STAT4: variants seen among roughly 807,000 people sequenced by gnomAD.
STAT4 encodes the protein signal transducer and activator of transcription 4.
Under a neutral mutation model 110.5 loss-of-function variants are expected in STAT4, and 42 were observed. The ratio of observed to expected loss-of-function variants is 0.38; its 90% CI spans 0.30 to 0.49. STAT4 has a LOEUF of 0.49. Among genes scored for constraint, STAT4 ranks in the 20% least tolerant of loss-of-function variants. The pLI is 0.95. For missense variants in STAT4, 632 were observed against 887.9 expected (o/e 0.71, Z 3.66); for synonymous variants, 284 against 302.2 (o/e 0.94, Z 0.63).
At position 191,053,711 on chromosome 2, in the gene STAT4, A is replaced by T. The variant is rs1696595118; in HGVS notation, c.1251+779T>A. 6.6e-6 allele frequency among the ~76,000 whole-genome samples: 1 copy of T among 152,270 alleles called. No individual in the cohort carries two copies. Among genetic ancestry groups the T allele is most frequent in the Non-Finnish European group, 1.5e-5 (1 of 68,048 alleles). On this transcript the variant is annotated intron_variant, in intron 14 of 23. Coordinates refer to ENST00000392320, the MANE Select transcript of STAT4 (RefSeq NM_003151.4). The surrounding 1 kb of genome is among the most constrained non-coding windows in gnomAD (Gnocchi z 4.5). ...TATGTGAGAAAATGAGTGAACAAAAATGAAGAATGACAAAGATATTTCTTG... is the reference window on the plus strand; with the variant it reads ...TATGTGAGAAAATGAGTGAACAAAATTGAAGAATGACAAAGATATTTCTTG...
intron 3 of STAT4, among the ~76,000 whole-genome samples, chr2:191,120,058 T>C (rs1698676581): frequency 6.6e-6 from 1 of 152,210 alleles, no homozygotes; most frequent in South Asian, 2.1e-4. Context: ...CAATGGATCA[T>C]AGTCCTAAAT....
intron 3 of STAT4, among the ~76,000 whole-genome samples, chr2:191,103,483 G>A (rs1304413314): frequency 6.6e-6 from 1 of 152,150 alleles, no homozygotes; most frequent in Admixed American, 6.5e-5. Context: ...AAAGTCAAGA[G>A]CATGAATTCC....
In STAT4 at chr2:191,135,803, C is replaced by A. The variant is rs1292543467; in HGVS notation, c.273+10810G>T. On this transcript the variant is annotated intron_variant, in intron 3 of 23. Coordinates refer to ENST00000392320, the MANE Select transcript of STAT4 (RefSeq NM_003151.4). This position sits in a 1 kb window ranked among gnomAD's most constrained non-coding sequence, Gnocchi z 4.8. ...ATTCTATCAAACTTTCATAGAAGAA[C>A]TAACACCAATTCTCCTCAAATTATT... 6.6e-6 allele frequency among the ~76,000 whole-genome samples: 1 copy of A among 152,012 alleles called. No individual in the cohort carries two copies. Among genetic ancestry groups the A allele is most frequent in the African/African-American group, 2.4e-5 (1 of 41,378 alleles).
intron 3 of STAT4, among the ~76,000 whole-genome samples, chr2:191,111,153 A>G (rs78463978): frequency 5.9e-5 from 9 of 152,256 alleles, no homozygotes; most frequent in Admixed American, 5.2e-4. Flanking sequence ...TATAGATTTT[A>G]TATGCATGCA....
At chr2:191,128,379 G>C (rs1178481709) in intron 3 of STAT4, among the ~76,000 whole-genome samples, 4 of 152,114 alleles carry the variant, frequency 2.6e-5, no homozygotes, top group African/African-American at 9.7e-5. Context: ...GAAGAGGAGG[G>C]AACTGAGAAA....
At chr2:191,048,788 C>CAAAA (rs60267174) in intron 14 of STAT4, among the ~76,000 whole-genome samples, 2 of 48,794 alleles carry the variant, frequency 4.1e-5, no homozygotes, top group Admixed American at 3.9e-4. Flanking sequence ...AACTCCATCT[C>CAAAA]AAAAAAAAAA....
intron 3 of STAT4, among the ~76,000 whole-genome samples, chr2:191,080,575 A>G (rs1697436676): frequency 6.6e-6 from 1 of 152,212 alleles, no homozygotes; most frequent in South Asian, 2.1e-4. Flanking sequence ...ACCAGGACTC[A>G]TATTTTTTCT....
chr2:191,044,846 A>G (rs980838530), intron 14 of STAT4, among the ~76,000 whole-genome samples: 3 of 152,186 alleles, frequency 2.0e-5, no homozygotes, highest in African/African-American at 7.2e-5. Flanking sequence ...GGGCTTAATT[A>G]GTGACAAGTA....
intron 3 of STAT4, among the ~76,000 whole-genome samples, chr2:191,125,775 T>A (rs1465054994): frequency 6.6e-6 from 1 of 152,062 alleles, no homozygotes; most frequent in African/African-American, 2.4e-5. Context: ...TGAGTCACCA[T>A]GCCGGGCCTG....
Position 191,056,222 on chromosome 2 carries a change from G to A in STAT4, c.1207-1688C>T, listed in dbSNP as rs115040222. ...AGATTCAGTGGCGCCCAAACATTCA[G>A]TGAGGCAATTGCTAAATGTTAATAA... is the stretch of plus-strand genomic sequence containing the variant. On this transcript the variant is annotated intron_variant, in intron 13 of 23. Coordinates refer to ENST00000392320, the MANE Select transcript of STAT4 (RefSeq NM_003151.4). 5.6e-3 allele frequency among the ~76,000 whole-genome samples: 849 copies of A among 152,308 alleles called. 9 individuals are homozygous for A. Among genetic ancestry groups the A allele is most frequent in the African/African-American group, 0.019 (806 of 41,568 alleles).
At position 191,033,561 on chromosome 2, in the gene STAT4, G is replaced by T. The variant is rs1317305981; in HGVS notation, c.1781C>A (p.Thr594Asn). 1 of 1,613,872 alleles carries T rather than the reference G, an allele frequency of 6.2e-7. No homozygotes were observed. The highest frequency in any genetic ancestry group is 1.7e-5 in the Admixed American group (1 of 59,990). Residue 594 changes from threonine to asparagine, a missense_variant, in exon 20 of 24, where the codon ACC (threonine) becomes AAC (asparagine). Thr to Asn is a moderately conservative substitution (Grantham distance 65). This residue lies in a region of STAT4 where 74 missense variants were observed against 154.3 expected (regional missense o/e 0.48). Coordinates refer to ENST00000392320, the MANE Select transcript of STAT4 (RefSeq NM_003151.4). The surrounding 1 kb of genome is among the most constrained non-coding windows in gnomAD (Gnocchi z 6.9). ...RLLLKDKMPG[T>N]FLLRFSESHL... ...GCTTTCACTGAATCTTAATAAAAAG[G>T]TGCCAGGCATTTTATCCTTTAGCAA... is the stretch of plus-strand genomic sequence containing the variant.
At chr2:191,130,754 T>A (rs1343165179) in intron 3 of STAT4, among the ~76,000 whole-genome samples, 6 of 151,852 alleles carry the variant, frequency 4.0e-5, no homozygotes, top group African/African-American at 1.2e-4. Flanking sequence ...GGTGAGCTTA[T>A]CTGTGCATTT....
At chr2:191,081,115 G>T (rs986832344) in intron 3 of STAT4, among the ~76,000 whole-genome samples, 4 of 152,126 alleles carry the variant, frequency 2.6e-5, no homozygotes, top group Admixed American at 2.6e-4. Flanking sequence ...TCTTGTGTTA[G>T]TTTGCTGAGA....
At position 191,148,062 on chromosome 2, in the gene STAT4, A is replaced by G. The variant is rs376825365; in HGVS notation, c.128+14T>C. On this transcript the variant is annotated intron_variant, in intron 2 of 23. Transcript: ENST00000392320. Reference sequence around the variant, plus strand: ...TTGTGCATCAACTTCTAGGGAAAATATGTTTGATCCTACCAGTCTTGATTT... The same window carrying G: ...TTGTGCATCAACTTCTAGGGAAAATGTGTTTGATCCTACCAGTCTTGATTT... The G allele has an allele frequency of 8.7e-6, 14 of 1,613,124 alleles. No individual in the cohort carries two copies. The highest frequency in any genetic ancestry group is 9.3e-6 in the Non-Finnish European group (11 of 1,179,532).
chr2:191,101,462 G>T (rs1446094703), intron 3 of STAT4, among the ~76,000 whole-genome samples: 1 of 152,048 alleles, frequency 6.6e-6, no homozygotes, highest in Non-Finnish European at 1.5e-5. Flanking sequence ...AGGAATAAAA[G>T]AATGGCCACT....
At chr2:191,065,563 T>C (rs1005004756) in intron 7 of STAT4, among the ~76,000 whole-genome samples, 18 of 152,178 alleles carry the variant, frequency 1.2e-4, no homozygotes, top group Admixed American at 1.1e-3. Context: ...ATTGTCAAAG[T>C]TCCTTCTCTT....
At position 191,077,214 on chromosome 2, in the gene STAT4, G is replaced by A. The variant is rs1697340403; in HGVS notation, c.274-889C>T. Among the ~76,000 whole-genome samples the A allele has an allele frequency of 6.6e-6, 1 of 152,114 alleles. No homozygotes were observed. The highest frequency in any genetic ancestry group is 1.9e-4 in the East Asian group (1 of 5,198). On this transcript the variant is annotated intron_variant, in intron 3 of 23. Coordinates refer to ENST00000392320, the MANE Select transcript of STAT4 (RefSeq NM_003151.4). The surrounding 1 kb of genome is among the most constrained non-coding windows in gnomAD (Gnocchi z 4.1). ...GCCTAATTCAGCCATCAGTTACTTG[G>A]TGCAAATTAAAATACTGGAATCCCT...
rs553140863 is a variant in STAT4 at position 191,046,428 on chromosome 2, C to T, written c.1252-5280G>A. 1.3e-5 allele frequency among the ~76,000 whole-genome samples: 2 copies of T among 152,104 alleles called. No individual in the cohort carries two copies. Among genetic ancestry groups the T allele is most frequent in the South Asian group, 2.1e-4 (1 of 4,832 alleles). ...AAGGGCCTCGCATGACCAGTGTGGC[C>T]TCTAGGTCTCTCCTGTGCCTAGATA... On this transcript the variant is annotated intron_variant, in intron 14 of 23. Transcript: ENST00000392320. This position sits in a 1 kb window ranked among gnomAD's most constrained non-coding sequence, Gnocchi z 4.6.
intron 18 of STAT4, among the ~76,000 whole-genome samples, 153 bp from the exon 19 acceptor site, chr2:191,034,158 C>G (rs1290051813): frequency 2.0e-5 from 3 of 152,148 alleles, no homozygotes; most frequent in Non-Finnish European, 4.4e-5. Context: ...TGTGGTGGCT[C>G]ATGCCTGTAA....
Sources: gnomAD v4.1 joint callset for allele counts (sites outside exome capture counted in the v4.1 genomes callset) on GRCh38, gnomAD v4.1.1 for gene constraint, gnomAD v4.1.1 regional missense constraint, Gnocchi (gnomAD v3.1) non-coding constraint, MANE v1.5 for transcripts, NCBI Gene and HGNC (gene_info 2026-07-23, HGNC 2026-07-21) for gene names.